Variants in HEBP1 observed in about 807,000 individuals in gnomAD.
The protein encoded by HEBP1 is heme-binding protein 1.
Under a neutral mutation model 20.4 loss-of-function variants are expected in HEBP1, and 13 were observed. The ratio of observed to expected loss-of-function variants is 0.64; its 90% CI spans 0.42 to 1.01. The LOEUF is 1.01. Among genes scored for constraint, HEBP1 ranks in the 50% least tolerant of loss-of-function variants. HEBP1 has a pLI of 0.00. For synonymous variants in HEBP1, 92 were observed against 90.7 expected, an observed-to-expected ratio of 1.01 and a Z score of -0.08; for missense variants, 241 against 247.3, an observed-to-expected ratio of 0.97 and a Z score of 0.17.
rs1307100006 is a variant in HEBP1, at chr12:13,000,095, T to C, written c.20A>G (p.Asn7Ser). 1.2e-6 allele frequency: 2 copies of C among 1,611,980 alleles called. No individual in the cohort carries two copies. The highest frequency in any genetic ancestry group is 1.7e-5 in the Admixed American group (1 of 59,854). The change falls in exon 1 of 4, where the codon AAC becomes AGC. Residue 7 changes from asparagine to serine, a missense_variant. Coordinates refer to ENST00000014930, the MANE Select transcript of HEBP1 (RefSeq NM_015987.5). MLGMIK[N>S]SLFGSVETWP... is the part of the protein sequence containing the mutation. ...CGTCTCTACGCTTCCGAACAGCGAG[T>C]TCTTGATCATGCCCAACATGTTGTA...
At chr12:12,999,255 C>T (rs1864325779) in intron 1 of HEBP1, among the ~76,000 whole-genome samples, 1 of 152,194 alleles carries the variant, frequency 6.6e-6, no homozygotes, top group South Asian at 2.1e-4. Context: ...TACATACATA[C>T]CTATGATATA....
chr12:12,999,983 G>A (rs1214298148), intron 1 of HEBP1, 54 bp downstream of exon 1: 6 of 1,261,142 alleles, frequency 4.8e-6, no homozygotes, highest in Non-Finnish European at 6.9e-6. Flanking sequence ...CCCCGACGAG[G>A]GTGGGGGTGG....
At chr12:12,978,204 T>G (rs1281649542) in intron 3 of HEBP1, among the ~76,000 whole-genome samples, 1 of 128,664 alleles carries the variant, frequency 7.8e-6, no homozygotes, top group African/African-American at 3.2e-5. Context: ...AAAGGGTTTT[T>G]TTTTTTTTTT....
At chr12:12,978,919 G>C (rs1314665112) in intron 3 of HEBP1, 1 of 152,154 alleles carries the variant, frequency 6.6e-6, no homozygotes, top group African/African-American at 2.4e-5. Flanking sequence ...ATGTGTGTCT[G>C]ACCATGTAAA....
At position 12,975,153 on chromosome 12, in the gene HEBP1, A is replaced by G; in HGVS notation, c.*155T>C. On this transcript the variant is annotated 3_prime_UTR_variant, in exon 4 of 4. Transcript: ENST00000014930. ...AGAAAAGAGACTTAGTATATGGAAC[A>G]TGCTTTTTTCAGAAAATTGGCAGTA... 1.5e-6 allele frequency: 1 copy of G among 651,116 alleles called. No homozygotes were observed. The highest frequency in any genetic ancestry group is 2.7e-6 in the Non-Finnish European group (1 of 373,252). The allele number at this position is 651,116 out of a possible 1,614,324, so 40.3% of individuals were successfully genotyped here.
rs1035117509 is a variant in HEBP1, at chr12:12,975,715, A to C, written c.399-236T>G. On this transcript the variant is annotated intron_variant, in intron 3 of 3. Transcript: ENST00000014930. ...CTCTAGAGTTTTGAGTGTTAAAAGC[A>C]GTAATGGACGTGAAAAACTCTAATG... Among the ~76,000 whole-genome samples the C allele has an allele frequency of 1.2e-4, 18 of 150,346 alleles. 1 individual carries two copies. The highest frequency in any genetic ancestry group is 2.7e-4 in the Admixed American group (4 of 14,666).
At position 12,987,275 on chromosome 12, in the gene HEBP1, C is replaced by A; in HGVS notation, c.275G>T (p.Gly92Val). 6.2e-7 allele frequency: 1 copy of A among 1,614,016 alleles called. No homozygotes were observed. The highest frequency in any genetic ancestry group is 8.5e-7 in the Non-Finnish European group (1 of 1,179,950). ...GACTTTTAATTTCTTCTGCAGAGAG[C>A]CATCTTCATTGGGGAACACAGCAAA... Reference protein sequence around the residue: ...ISFAVFPNEDGSLQKKLKVWF... With the variant: ...ISFAVFPNEDVSLQKKLKVWF... The change falls in exon 3 of 4, where the codon GGC (glycine) becomes GTC (valine). Residue 92 changes from glycine to valine, a missense_variant. Transcript: ENST00000014930.
At position 12,974,937 on chromosome 12, in the gene HEBP1, G is replaced by C. The variant is rs1440068781; in HGVS notation, c.*371C>G. ...AGACAAAGCTCTTATAAGAATCACAGATGAAAGATCAGGCACAAATCACAT... is the reference window on the plus strand; with the variant it reads ...AGACAAAGCTCTTATAAGAATCACACATGAAAGATCAGGCACAAATCACAT... On this transcript the variant is annotated 3_prime_UTR_variant, in exon 4 of 4. Transcript: ENST00000014930. 1.0e-5 allele frequency: 2 copies of C among 197,092 alleles called. No homozygotes were observed. The highest frequency in any genetic ancestry group is 4.8e-5 in the African/African-American group (2 of 41,820). The allele number at this position is 197,092 out of a possible 1,614,324, so 12.2% of individuals were successfully genotyped here.
At chr12:12,983,688 T>C (rs1257981632) in intron 3 of HEBP1, 1 of 455,892 alleles carries the variant, frequency 2.2e-6, no homozygotes, top group Non-Finnish European at 4.4e-6. Flanking sequence ...GAACTCCGTG[T>C]TAAAAATTCC....
At chr12:12,991,296 C>T (rs1039100601) in intron 1 of HEBP1, among the ~76,000 whole-genome samples, 3 of 152,184 alleles carry the variant, frequency 2.0e-5, no homozygotes, top group Non-Finnish European at 2.9e-5. Flanking sequence ...TTGGTTGAAT[C>T]GTGGATCCAG....
At chr12:12,992,474 G>A (rs1382501019) in intron 1 of HEBP1, among the ~76,000 whole-genome samples, 6 of 83,902 alleles carry the variant, frequency 7.2e-5, no homozygotes, top group African/African-American at 1.7e-4. Context: ...AAAGTGCTGG[G>A]ATTACAGGTA....
chr12:12,987,325 C>T lies in HEBP1; in HGVS notation c.225G>A (p.Gly75=), dbSNP rs1164051989. The T allele has an allele frequency of 6.2e-7, 1 of 1,612,382 alleles. No homozygotes were observed. The highest frequency in any genetic ancestry group is 8.5e-7 in the Non-Finnish European group (1 of 1,178,912). Residue 75 remains glycine, a synonymous_variant, in exon 3 of 4, where the codon GGG becomes GGA. Transcript: ENST00000014930. ...YAGGTNDKGI[G]MGMTVPISFA... ...AGGAAATAGGGACTGTCATCCCCAT[C>T]CCAATTCCTGAAAACACAAAAGCAC...
At position 13,000,192 on chromosome 12, in the gene HEBP1, C is replaced by CGGCAGGGCGGCAG; in HGVS notation, c.-79_-78insCTGCCGCCCTGCC. On this transcript the variant is annotated 5_prime_UTR_variant, in exon 1 of 4. Coordinates refer to ENST00000014930, the MANE Select transcript of HEBP1 (RefSeq NM_015987.5). ...ACGGAGCACCACGGGCAGCGACCACCGGCGGCAGGGCGGCAGGGCGGCAGG... is the reference window on the plus strand; with the variant it reads ...ACGGAGCACCACGGGCAGCGACCACCGGCAGGGCGGCAGGGCGGCAGGGCGGCAGGGCGGCAGG... The CGGCAGGGCGGCAG allele has an allele frequency of 5.1e-6, 3 of 584,878 alleles. No individual in the cohort carries two copies. Among genetic ancestry groups the CGGCAGGGCGGCAG allele is most frequent in the Non-Finnish European group, 8.8e-6 (3 of 340,602 alleles). 36.2% of individuals were successfully genotyped at this position (584,878 alleles called of 1,614,324 possible).
chr12:12,999,949 C>T, intron 1 of HEBP1, 88 bp downstream of exon 1: 1 of 815,540 alleles, frequency 1.2e-6, no homozygotes, highest in Non-Finnish European at 2.0e-6. Flanking sequence ...TCCTGCCCCA[C>T]CTGCCCCTCA....
At chr12:12,983,329 T>C (rs897656992) in intron 3 of HEBP1, 1 of 204,864 alleles carries the variant, frequency 4.9e-6, no homozygotes, top group Non-Finnish European at 1.0e-5. Context: ...CTGATAGTGC[T>C]ATTTTTTTTC....
Position 12,987,612 on chromosome 12 carries a change from T to TTTCTCTC in HEBP1, c.218-281_218-280insGAGAGAA, listed in dbSNP as rs1555114947. ...TCTTTCTCTCTCTCTCTCTCTCTCT[T>TTTCTCTC]TCTCTCTCTCTCTCTCTCTCTCTTT... On this transcript the variant is annotated intron_variant, in intron 2 of 3. Transcript: ENST00000014930. 2.1e-3 allele frequency among the ~76,000 whole-genome samples: 243 copies of TTTCTCTC among 117,826 alleles called. 3 individuals are homozygous for TTTCTCTC. Among genetic ancestry groups the TTTCTCTC allele is most frequent in the South Asian group, 0.017 (64 of 3,664 alleles). 77.3% of individuals were successfully genotyped at this position (117,826 alleles called of 152,430 possible).
chr12:12,993,397 G>A (rs1013855862), intron 1 of HEBP1, among the ~76,000 whole-genome samples: 2 of 150,266 alleles, frequency 1.3e-5, no homozygotes, highest in African/African-American at 4.9e-5. Flanking sequence ...GTTTCACCAC[G>A]TTGCCCAAGC....
intron 1 of HEBP1, among the ~76,000 whole-genome samples, chr12:12,990,002 G>A (rs181144985): frequency 2.0e-5 from 3 of 152,076 alleles, no homozygotes; most frequent in Non-Finnish European, 4.4e-5. Flanking sequence ...ATAAAATGGT[G>A]TAGTATTTTG....
chr12:12,977,887 C>T (rs1464128094), intron 3 of HEBP1, among the ~76,000 whole-genome samples: 2 of 152,120 alleles, frequency 1.3e-5, no homozygotes, highest in African/African-American at 4.8e-5. Flanking sequence ...ATTTTTTGGT[C>T]ACTGATGTAC....
Sources: allele counts gnomAD v4.1 joint callset (sites outside exome capture counted in the v4.1 genomes callset), GRCh38; gene constraint gnomAD v4.1.1; transcripts MANE v1.5; gene names NCBI Gene and HGNC (gene_info 2026-07-23, HGNC 2026-07-21).